CADM2: variants seen among roughly 807,000 people sequenced by gnomAD.
CADM2 encodes cell adhesion molecule 2.
A neutral mutation model predicts 49.8 loss-of-function variants in CADM2; 12 were observed. That is an observed-to-expected ratio of 0.24 (90% CI 0.15 to 0.39). The LOEUF is 0.39. Among genes scored for constraint, CADM2 ranks in the 10% least tolerant of loss-of-function variants. CADM2 has a pLI of 1.00. For synonymous variants in CADM2, 214 were observed against 175.4 expected, an observed-to-expected ratio of 1.22 and a Z score of -1.74; for missense variants, 378 against 492.3, an observed-to-expected ratio of 0.77 and a Z score of 2.20.
chr3:85,174,907 G>A (rs1379283292), intron 1 of CADM2, among the ~76,000 whole-genome samples: 3 of 152,046 alleles, frequency 2.0e-5, no homozygotes, highest in Non-Finnish European at 4.4e-5. Context: ...GTTAAAACTC[G>A]ACAATAACAG....
At chr3:86,062,393 A>T (rs1738767460) in intron 8 of CADM2, among the ~76,000 whole-genome samples, 1 of 152,142 alleles carries the variant, frequency 6.6e-6, no homozygotes, top group Admixed American at 6.6e-5. Flanking sequence ...AGAGAGCTAA[A>T]ATTAACTAGT....
At chr3:85,913,490 A>T (rs1338780326) in intron 6 of CADM2, among the ~76,000 whole-genome samples, 1 of 152,138 alleles carries the variant, frequency 6.6e-6, no homozygotes, top group African/African-American at 2.4e-5. Flanking sequence ...CTAAACTCTA[A>T]GTACTGTTCC....
chr3:85,395,973 G>A (rs937226702), intron 1 of CADM2, among the ~76,000 whole-genome samples: 1 of 147,652 alleles, frequency 6.8e-6, no homozygotes, highest in African/African-American at 2.5e-5. Context: ...TTATCATAAT[G>A]ATAATTTATA....
At chr3:85,815,397 A>C (rs146934873) in intron 3 of CADM2, among the ~76,000 whole-genome samples, 2,615 of 152,288 alleles carry the variant, frequency 0.017, 33 homozygotes, top group Non-Finnish European at 0.026. Flanking sequence ...CTTATCCACC[A>C]TGATCAAGTC....
At chr3:86,004,093 A>G (rs1422757161) in intron 8 of CADM2, among the ~76,000 whole-genome samples, 3 of 152,140 alleles carry the variant, frequency 2.0e-5, no homozygotes, top group African/African-American at 7.2e-5. Context: ...ACCACTGAGA[A>G]AGGAAGATAG....
At chr3:85,834,886 AT>A (rs1489445244) in intron 3 of CADM2, among the ~76,000 whole-genome samples, 1 of 151,684 alleles carries the variant, frequency 6.6e-6, no homozygotes, top group Non-Finnish European at 1.5e-5. Context: ...AGAGAAGTTA[AT>A]TGTTCAGAAC....
chr3:85,285,051 A>G (rs1353280306), intron 1 of CADM2, among the ~76,000 whole-genome samples: 1 of 152,116 alleles, frequency 6.6e-6, no homozygotes, highest in Non-Finnish European at 1.5e-5. Context: ...TTTTGAAGGT[A>G]GTGCAGATAG....
At position 85,527,330 on chromosome 3, in the gene CADM2, C is replaced by T. The variant is rs1258556832; in HGVS notation, c.62-199192C>T. ...GAGACCAGGAGTTGGAGAGTTGGAG[C>T]CTACAGTGAGCTATGATCATGTCAC... On this transcript the variant is annotated intron_variant, in intron 1 of 9. Coordinates refer to ENST00000383699, the MANE Select transcript of CADM2 (RefSeq NM_001167675.2). Among the ~76,000 whole-genome samples, 3 of 150,734 alleles carry T rather than the reference C, an allele frequency of 2.0e-5. No homozygotes were observed. The Admixed American group carries it at 2.0e-4, about 10-fold the overall frequency.
At chr3:86,045,185 T>A (rs1385729274) in intron 8 of CADM2, among the ~76,000 whole-genome samples, 1 of 151,862 alleles carries the variant, frequency 6.6e-6, no homozygotes, top group Non-Finnish European at 1.5e-5. Flanking sequence ...TGTGCACATG[T>A]ACCCTAAAAC....
chr3:85,505,328 C>T (rs925346073), intron 1 of CADM2, among the ~76,000 whole-genome samples: 14 of 152,318 alleles, frequency 9.2e-5, no homozygotes, highest in East Asian at 1.9e-4. Flanking sequence ...CAAATGTGCT[C>T]ACAGGATCAC....
At chr3:85,062,606 C>T (rs2036372910) in intron 1 of CADM2, among the ~76,000 whole-genome samples, 1 of 151,564 alleles carries the variant, frequency 6.6e-6, no homozygotes, top group South Asian at 2.1e-4. Flanking sequence ...AAGCTCATAA[C>T]AAGTAATATA....
intron 1 of CADM2, among the ~76,000 whole-genome samples, chr3:85,530,053 T>C (rs2061262861): frequency 6.6e-6 from 1 of 152,068 alleles, no homozygotes; most frequent in Admixed American, 6.5e-5. Context: ...ATAATCGCCA[T>C]GTGCCAAGGA....
chr3:85,466,114 C>G (rs1478717810), intron 1 of CADM2, among the ~76,000 whole-genome samples: 1 of 152,052 alleles, frequency 6.6e-6, no homozygotes, highest in Non-Finnish European at 1.5e-5. Context: ...TTGGAGAAAG[C>G]CTTATTTTCA....
chr3:85,708,975 G>GAT (rs2067033415), intron 1 of CADM2, among the ~76,000 whole-genome samples: 1 of 150,118 alleles, frequency 6.7e-6, no homozygotes, highest in Non-Finnish European at 1.5e-5. Flanking sequence ...GCTTTTGCCT[G>GAT]ATACAATGAT....
intron 1 of CADM2, among the ~76,000 whole-genome samples, chr3:85,132,910 T>TA (rs2039280873): frequency 1.3e-5 from 2 of 152,326 alleles, no homozygotes; most frequent in Admixed American, 1.3e-4. Flanking sequence ...CGGTGAGTGT[T>TA]ACAGCTCTTA....
Position 85,822,291 on chromosome 3 carries a change from A to G in CADM2, c.238+20095A>G, listed in dbSNP as rs143971245. ...GCAAGTTTAGGATATTTATTTTACA[A>G]TTTTTTCCAGGGCCAGGTGCGGTGG... On this transcript the variant is annotated intron_variant, in intron 3 of 9. Transcript: ENST00000383699. 4.6e-5 allele frequency among the ~76,000 whole-genome samples: 7 copies of G among 152,068 alleles called. No individual in the cohort carries two copies. In the East Asian group the frequency reaches 1.4e-3, roughly 30 times the overall value.
intron 6 of CADM2, among the ~76,000 whole-genome samples, chr3:85,931,885 A>G (rs967086823): frequency 2.6e-5 from 4 of 151,368 alleles, no homozygotes; most frequent in Admixed American, 1.3e-4. Flanking sequence ...ATTTAAAATT[A>G]TTTTAAATTT....
chr3:85,741,617 G>A (rs1327893249), intron 2 of CADM2, among the ~76,000 whole-genome samples: 2 of 152,130 alleles, frequency 1.3e-5, no homozygotes, highest in South Asian at 2.1e-4. Context: ...GCAGTGAGCC[G>A]AGATCGTGCC....
At chr3:85,565,779 T>A (rs1397168696) in intron 1 of CADM2, among the ~76,000 whole-genome samples, 1 of 152,084 alleles carries the variant, frequency 6.6e-6, no homozygotes, top group African/African-American at 2.4e-5. Flanking sequence ...CTACAAAGTT[T>A]TCAGCAGAGT....
Sources: allele counts gnomAD v4.1 joint callset (sites outside exome capture counted in the v4.1 genomes callset), GRCh38; gene constraint gnomAD v4.1.1; transcripts MANE v1.5; gene names NCBI Gene and HGNC (gene_info 2026-07-23, HGNC 2026-07-21).